Variants in SRPK2 observed in about 807,000 individuals in gnomAD.
SRPK2 encodes SFRS protein kinase 2.
A neutral mutation model predicts 90.8 loss-of-function variants in SRPK2; 21 were observed. The ratio of observed to expected loss-of-function variants is 0.23; its 90% confidence interval spans 0.16 to 0.33. SRPK2 has a LOEUF of 0.33. Ranked by LOEUF, SRPK2 falls within the 10% of genes least tolerant of loss-of-function variation. The pLI is 1.00. For missense variants in SRPK2, 620 were observed against 869.0 expected, an observed-to-expected ratio of 0.71 and a Z score of 3.60; for synonymous variants, 288 against 311.1, an observed-to-expected ratio of 0.93 and a Z score of 0.78.
chr7:105,198,110 G>A (rs1795139952), intron 3 of SRPK2, among the ~76,000 whole-genome samples: 2 of 152,226 alleles, frequency 1.3e-5, no homozygotes, highest in South Asian at 4.1e-4. Flanking sequence ...TGGAGTTTTA[G>A]AAGGATGATA....
intron 2 of SRPK2, among the ~76,000 whole-genome samples, chr7:105,209,849 A>C (rs1796642733): frequency 6.6e-6 from 1 of 152,190 alleles, no homozygotes; most frequent in African/African-American, 2.4e-5. Flanking sequence ...ACAAAGAACT[A>C]TATTTATTTT....
chr7:105,121,513 A>G (rs760719318), intron 15 of SRPK2, among the ~76,000 whole-genome samples: 4 of 152,340 alleles, frequency 2.6e-5, no homozygotes, highest in South Asian at 2.1e-4. Flanking sequence ...AGAATGTGGA[A>G]TATCACTTCA....
chr7:105,244,465 T>C lies in SRPK2; in HGVS notation c.72-40680A>G, dbSNP rs1801290382. On this transcript the variant is annotated intron_variant, in intron 2 of 15. Coordinates refer to ENST00000393651, the MANE Select transcript of SRPK2 (RefSeq NM_182692.3). ...GGCGCGCGCCTGTAATCCCAGCTAC[T>C]CGGGAAGCTGAGGCGGGAGAATCGC... Among the ~76,000 whole-genome samples the C allele has an allele frequency of 3.9e-5, 6 of 152,150 alleles. No individual in the cohort carries two copies. The South Asian group carries it at 1.2e-3, about 32-fold the overall frequency.
Position 105,142,463 on chromosome 7 carries a change from T to C in SRPK2, c.1088A>G (p.Glu363Gly). 6.2e-7 allele frequency: 1 copy of C among 1,611,746 alleles called. No individual in the cohort carries two copies. The highest frequency in any genetic ancestry group is 8.5e-7 in the Non-Finnish European group (1 of 1,179,188). ...TTCAATGTTTTCTTTCTCAGCATCT[T>C]CTTTCTCTTCCTGGTCCTCAGCTTC... is the stretch of plus-strand genomic sequence containing the variant. ...NGEAEDQEEK[E>G]DAEKENIEKD... The change falls in exon 11 of 16, where the codon GAA (glutamate) becomes GGA (glycine). Residue 363 changes from glutamate (E) to glycine (G), a missense_variant. This residue lies in a region of SRPK2 where 243 missense variants were observed against 245.7 expected (regional missense o/e 0.99). Transcript: ENST00000393651.
At chr7:105,145,392 T>C in intron 8 of SRPK2, 84 bp from the exon 9 acceptor site, 1 of 996,820 alleles carries the variant, frequency 1.0e-6, no homozygotes, top group Non-Finnish European at 1.5e-6. Context: ...CAAAGTGAAA[T>C]AATTATTGTC....
At chr7:105,281,311 G>A (rs1807302957) in intron 2 of SRPK2, among the ~76,000 whole-genome samples, 1 of 151,992 alleles carries the variant, frequency 6.6e-6, no homozygotes. Flanking sequence ...AGCTGGGCTG[G>A]TCTCAAACTC....
intron 2 of SRPK2, among the ~76,000 whole-genome samples, chr7:105,246,206 G>C (rs923276749): frequency 6.6e-6 from 1 of 152,264 alleles, no homozygotes; most frequent in Admixed American, 6.5e-5. Context: ...CAGACAGAAA[G>C]TTACACACAG....
chr7:105,387,942 C>T (rs1821823079), intron 2 of SRPK2, among the ~76,000 whole-genome samples: 2 of 152,194 alleles, frequency 1.3e-5, no homozygotes, highest in Admixed American at 6.5e-5. Context: ...CGACCGGCTC[C>T]CGCGCACACG....
intron 3 of SRPK2, among the ~76,000 whole-genome samples, chr7:105,200,002 G>A (rs1795353625): frequency 6.6e-6 from 1 of 152,014 alleles, no homozygotes; most frequent in Admixed American, 6.6e-5. Context: ...GTACTTGAAG[G>A]TAAAGAAATG....
At chr7:105,301,527 C>T (rs1313294986) in intron 2 of SRPK2, 1 of 1,486,862 alleles carries the variant, frequency 6.7e-7, no homozygotes, top group African/African-American at 1.4e-5. Context: ...TGACGAGTGC[C>T]AACGAGGACC....
chr7:105,264,669 C>T (rs566358361), intron 2 of SRPK2, among the ~76,000 whole-genome samples: 26 of 152,268 alleles, frequency 1.7e-4, no homozygotes, highest in African/African-American at 6.3e-4. Flanking sequence ...CAAAAACCCA[C>T]AAACATGCAA....
At chr7:105,228,834 C>T (rs143894334) in intron 2 of SRPK2, among the ~76,000 whole-genome samples, 99 of 152,330 alleles carry the variant, frequency 6.5e-4, no homozygotes, top group African/African-American at 2.1e-3. Context: ...AGCAGCCAGC[C>T]GGATCCCGCA....
chr7:105,302,947 G>A (rs574980453), intron 2 of SRPK2, among the ~76,000 whole-genome samples: 29 of 152,002 alleles, frequency 1.9e-4, no homozygotes, highest in African/African-American at 6.7e-4. Flanking sequence ...GGTGGCGGGC[G>A]CCTGTAGTCC....
intron 2 of SRPK2, among the ~76,000 whole-genome samples, chr7:105,219,657 G>C (rs68113831): frequency 0.41 from 62,189 of 152,082 alleles, 14,567 homozygotes; most frequent in Non-Finnish European, 0.52. Context: ...TTAAATAACA[G>C]ATGTTGAATG....
chr7:105,142,207 T>C lies in SRPK2; in HGVS notation c.1344A>G (p.Glu448=). 1 of 1,614,114 alleles carries C rather than the reference T, an allele frequency of 6.2e-7. No homozygotes were observed. Among genetic ancestry groups the C allele is most frequent in the Non-Finnish European group, 8.5e-7 (1 of 1,180,026 alleles). The change falls in exon 11 of 16, where the codon GAA becomes GAG. Residue 448 remains glutamate, a synonymous_variant. Coordinates refer to ENST00000393651, the MANE Select transcript of SRPK2 (RefSeq NM_182692.3). ...YSSSYEQFNG[E]LPNGRHKIPE... ...GAATTTTATGTCGTCCATTTGGCAA[T>C]TCACCATTGAATTGTTCATAGGAGC...
intron 2 of SRPK2, among the ~76,000 whole-genome samples, chr7:105,261,586 C>T (rs1311805823): frequency 6.6e-6 from 1 of 151,782 alleles, no homozygotes; most frequent in Non-Finnish European, 1.5e-5. Flanking sequence ...CAGTTTGTAA[C>T]AAAATTATCT....
intron 2 of SRPK2, among the ~76,000 whole-genome samples, chr7:105,325,512 C>A (rs940655237): frequency 1.5e-5 from 2 of 130,050 alleles, no homozygotes; most frequent in African/African-American, 5.7e-5. Context: ...AAATGATGTC[C>A]ATTATTTAAT....
chr7:105,233,092 G>GAAGGAAGC (rs1799683748), intron 2 of SRPK2, among the ~76,000 whole-genome samples: 1 of 8,676 alleles, frequency 1.2e-4, no homozygotes, highest in Non-Finnish European at 2.4e-4. Context: ...AGGAAGGAAA[G>GAAGGAAGC]AAGGAAGGAA....
At chr7:105,242,863 C>T (rs939513376) in intron 2 of SRPK2, among the ~76,000 whole-genome samples, 2 of 152,130 alleles carry the variant, frequency 1.3e-5, no homozygotes, top group Admixed American at 6.5e-5. Flanking sequence ...ATCAACTGAA[C>T]ATGAGGAATG....
Sources: gnomAD v4.1 joint callset for allele counts (sites outside exome capture counted in the v4.1 genomes callset) on GRCh38, gnomAD v4.1.1 for gene constraint, gnomAD v4.1.1 regional missense constraint, MANE v1.5 for transcripts, NCBI Gene and HGNC (gene_info 2026-07-23, HGNC 2026-07-21) for gene names.